The following RYR3 variants were observed in gnomAD, a reference collection of about 807,000 sequenced individuals.
RYR3 encodes the protein brain ryanodine receptor-calcium release channel.
Under a neutral mutation model 584.3 loss-of-function variants are expected in RYR3, and 207 were observed. The ratio of observed to expected loss-of-function variants is 0.35; its 90% CI spans 0.32 to 0.40. The LOEUF is 0.40. Among genes scored for constraint, RYR3 ranks in the 10% least tolerant of loss-of-function variants. The pLI, the probability that RYR3 is intolerant of heterozygous loss-of-function variation, is 1.00. For missense variants in RYR3, 5,616 were observed against 6,089.2 expected (o/e 0.92, Z 2.59); for synonymous variants, 2,416 against 2,248.5 (o/e 1.07, Z -2.11).
intron 64 of RYR3, among the ~76,000 whole-genome samples, chr15:33,779,830 G>A (rs532845259): frequency 7.8e-5 from 10 of 128,070 alleles, no homozygotes; most frequent in Middle Eastern, 4.2e-3. Flanking sequence ...GCGAAACCCC[G>A]TCTCTACTAA....
intron 38 of RYR3, 110 bp downstream of exon 38, chr15:33,670,666 A>C: frequency 9.0e-7 from 1 of 1,114,766 alleles, no homozygotes; most frequent in Non-Finnish European, 1.2e-6. Context: ...CTTCAAAGAA[A>C]GCATCTGGGC....
chr15:33,654,811 A>G (rs2062728026), intron 32 of RYR3, among the ~76,000 whole-genome samples: 1 of 152,214 alleles, frequency 6.6e-6, no homozygotes, highest in African/African-American at 2.4e-5. Context: ...ACATCCTGCT[A>G]TGATGTACAT....
intron 42 of RYR3, among the ~76,000 whole-genome samples, chr15:33,703,611 A>G (rs1300168879): frequency 6.6e-6 from 1 of 151,788 alleles, no homozygotes; most frequent in Non-Finnish European, 1.5e-5. Flanking sequence ...ATATCCAAAT[A>G]CAGAAACATT....
chr15:33,387,790 G>A (rs908654451), intron 1 of RYR3, among the ~76,000 whole-genome samples: 2 of 152,026 alleles, frequency 1.3e-5, no homozygotes, highest in Non-Finnish European at 2.9e-5. Flanking sequence ...AACGTTTAAT[G>A]TATAACTGTA....
chr15:33,750,869 CCTACCCCCA>C lies in RYR3; in HGVS notation c.8399+585_8399+593del, dbSNP rs567331697. Among the ~76,000 whole-genome samples, 29 of 152,286 alleles carry C rather than the reference CCTACCCCCA, an allele frequency of 1.9e-4. 1 individual carries two copies. In the South Asian group the frequency reaches 6.0e-3, roughly 32 times the overall value. The stretch of plus-strand genomic sequence containing the variant: ...GTATTTCTCCTAATGCTATCCCTCC[CCTACCCCCA>C]CAACCCCCACAGGCCCTGGGGTGTG... On this transcript the variant is annotated intron_variant, in intron 57 of 103. Transcript: ENST00000634891.
At chr15:33,424,836 G>C (rs1206939449) in intron 1 of RYR3, among the ~76,000 whole-genome samples, 3 of 152,114 alleles carry the variant, frequency 2.0e-5, no homozygotes, top group Non-Finnish European at 1.5e-5. Flanking sequence ...TGAGAAGCCG[G>C]GCATGGTGGT....
intron 2 of RYR3, among the ~76,000 whole-genome samples, chr15:33,482,405 T>TTTG (rs759791360): frequency 7.2e-5 from 11 of 152,066 alleles, no homozygotes; most frequent in East Asian, 3.9e-4. Context: ...CAATTTGGTT[T>TTTG]TTGTTGTTGT....
chr15:33,803,521 T>C (rs965916896), intron 69 of RYR3, among the ~76,000 whole-genome samples: 4 of 152,182 alleles, frequency 2.6e-5, no homozygotes, highest in Non-Finnish European at 5.9e-5. Context: ...ACTATCTTTT[T>C]TTTTTAATTT....
At chr15:33,704,586 G>A (rs543088343) in intron 42 of RYR3, among the ~76,000 whole-genome samples, 6 of 152,150 alleles carry the variant, frequency 3.9e-5, no homozygotes, top group African/African-American at 9.7e-5. Context: ...TCTGTTATTC[G>A]TACATTTAGA....
At chr15:33,548,084 G>A in intron 8 of RYR3, 46 bp from the exon 9 acceptor site, 3 of 1,403,848 alleles carry the variant, frequency 2.1e-6, no homozygotes, top group Non-Finnish European at 3.0e-6. Flanking sequence ...CCCGGGTGCT[G>A]ATCAGTGTCA....
At chr15:33,848,245 T>A (rs1336532322) in intron 93 of RYR3, 46 bp from the exon 94 acceptor site, 1 of 1,609,316 alleles carries the variant, frequency 6.2e-7, no homozygotes, top group South Asian at 1.1e-5. Context: ...GCAGGAGCTT[T>A]AATCACAAAG....
At chr15:33,386,848 T>A (rs1430480631) in intron 1 of RYR3, among the ~76,000 whole-genome samples, 4 of 152,106 alleles carry the variant, frequency 2.6e-5, no homozygotes, top group Non-Finnish European at 5.9e-5. Context: ...AGAATTTTTT[T>A]CCTTTTTTTT....
chr15:33,402,432 C>A (rs112616223), intron 1 of RYR3, among the ~76,000 whole-genome samples: 2 of 152,206 alleles, frequency 1.3e-5, no homozygotes, highest in Non-Finnish European at 2.9e-5. Flanking sequence ...TTTCATAAAC[C>A]AGTTGTATCA....
intron 32 of RYR3, among the ~76,000 whole-genome samples, chr15:33,656,288 A>C (rs1037063543): frequency 6.6e-6 from 1 of 152,274 alleles, no homozygotes; most frequent in Non-Finnish European, 1.5e-5. Context: ...ATACCACGGC[A>C]GTGCTAAATC....
chr15:33,355,539 G>A (rs16969980), intron 1 of RYR3, among the ~76,000 whole-genome samples: 11,952 of 152,224 alleles, frequency 0.079, 552 homozygotes, highest in Middle Eastern at 0.12. Flanking sequence ...AGATAGGTTC[G>A]CAAATGCTGT....
intron 1 of RYR3, among the ~76,000 whole-genome samples, chr15:33,328,650 TCAGATGTTA>T (rs1337472882): frequency 2.0e-5 from 3 of 152,376 alleles, no homozygotes; most frequent in African/African-American, 7.2e-5. Flanking sequence ...ACCTTCCTTT[TCAGATGTTA>T]CAGAGGTGTA....
chr15:33,770,657 A>T (rs552470608), intron 62 of RYR3, among the ~76,000 whole-genome samples: 2 of 152,088 alleles, frequency 1.3e-5, no homozygotes, highest in East Asian at 3.9e-4. Context: ...GGCTGAGGTG[A>T]GAGGATTGCT....
chr15:33,364,138 A>T (rs1161129198), intron 1 of RYR3, among the ~76,000 whole-genome samples: 3 of 152,226 alleles, frequency 2.0e-5, no homozygotes, highest in African/African-American at 7.2e-5. Context: ...TATCTTGGAT[A>T]TATTGTGCTA....
At chr15:33,486,558 C>CAT (rs2050443093) in intron 2 of RYR3, among the ~76,000 whole-genome samples, 1 of 152,052 alleles carries the variant, frequency 6.6e-6, no homozygotes, top group Non-Finnish European at 1.5e-5. Context: ...GACACAAAAC[C>CAT]ATATATCAGT....
Sources: gnomAD v4.1 joint callset for allele counts (sites outside exome capture counted in the v4.1 genomes callset) on GRCh38, gnomAD v4.1.1 for gene constraint, MANE v1.5 for transcripts, NCBI Gene and HGNC (gene_info 2026-07-23, HGNC 2026-07-21) for gene names.